C7: variants seen among roughly 807,000 people sequenced by gnomAD.
The protein encoded by C7 is complement C7.
Under a neutral mutation model 104.8 loss-of-function variants are expected in C7, and 83 were observed. The observed-to-expected ratio is 0.79, with a 90% CI of 0.66 to 0.95. The LOEUF (loss-of-function observed/expected upper bound fraction) is 0.95, where lower values mean the gene tolerates loss of function less well. C7 is among the 40% of genes least tolerant of loss of function. C7 has a pLI of 0.00. For synonymous variants in C7, 415 were observed against 360.6 expected (o/e 1.15, Z -1.71); for missense variants, 1,070 against 1,011.2 (o/e 1.06, Z -0.79).
intron 14 of C7, among the ~76,000 whole-genome samples, chr5:40,968,571 TATATATATATA>T (rs1561257280): frequency 0.069 from 4,286 of 62,466 alleles, 163 homozygotes; most frequent in Non-Finnish European, 0.093. Flanking sequence ...ATATATTTTA[TATATATATATA>T]TATATATATA....
In C7 at chr5:40,978,873, A is replaced by ATTTTTTTTTTTTTTT. The variant is rs372551834; in HGVS notation, c.2166-842_2166-828dup. Among the ~76,000 whole-genome samples the ATTTTTTTTTTTTTTT allele has an allele frequency of 1.8e-3, 144 of 80,068 alleles. 5 individuals carry two copies. Among genetic ancestry groups the ATTTTTTTTTTTTTTT allele is most frequent in the African/African-American group, 3.8e-3 (88 of 23,444 alleles). 52.5% of individuals were successfully genotyped at this position (80,068 alleles called of 152,430 possible). On this transcript the variant is annotated intron_variant, in intron 16 of 17. Coordinates refer to ENST00000313164, the MANE Select transcript of C7 (RefSeq NM_000587.4). ...GAGGAAGGTAACACATTTTATGGAA[A>ATTTTTTTTTTTTTTT]TTTTTTTTTTTTTTTTTTTTTTTTG...
chr5:40,921,681 A>T (rs1224684369), intron 1 of C7, among the ~76,000 whole-genome samples: 1 of 152,156 alleles, frequency 6.6e-6, no homozygotes, highest in African/African-American at 2.4e-5. Context: ...GCTGAACAGG[A>T]TAGAGAACCA....
At chr5:40,962,258 G>A in intron 13 of C7, 86 bp downstream of exon 13, 3 of 758,314 alleles carry the variant, frequency 4.0e-6, no homozygotes, top group Non-Finnish European at 6.1e-6. Flanking sequence ...CTTCCTCCAT[G>A]GTGAAGCCGT....
At position 40,982,689 on chromosome 5, in the gene C7, A is replaced by G. The variant is rs1414887901; in HGVS notation, c.*1116A>G. 1 of 152,358 alleles carries G rather than the reference A, an allele frequency of 6.6e-6. No homozygotes were observed. The highest frequency in any genetic ancestry group is 2.4e-5 in the African/African-American group (1 of 41,466). 9.4% of individuals were successfully genotyped at this position (152,358 alleles called of 1,614,324 possible). Reference sequence around the variant, plus strand: ...GAATAGTTTTCCCTATTCTGTGGATACAGTCCCAGAGTTTTCAGGGAGTAC... The same window carrying G: ...GAATAGTTTTCCCTATTCTGTGGATGCAGTCCCAGAGTTTTCAGGGAGTAC... On this transcript the variant is annotated 3_prime_UTR_variant, in exon 18 of 18. Transcript: ENST00000313164.
chr5:40,938,086 CA>C (rs752820442), intron 6 of C7, among the ~76,000 whole-genome samples: 44 of 152,046 alleles, frequency 2.9e-4, no homozygotes, highest in Non-Finnish European at 5.7e-4. Flanking sequence ...TTCATATATA[CA>C]AAAGGGTGTG....
intron 11 of C7, among the ~76,000 whole-genome samples, chr5:40,958,845 A>T (rs1287583472): frequency 6.6e-6 from 1 of 152,206 alleles, no homozygotes; most frequent in East Asian, 1.9e-4. Context: ...TCATTACTTA[A>T]GGTCAGGGCT....
chr5:40,963,414 T>G (rs61006480), intron 13 of C7, among the ~76,000 whole-genome samples: 12,314 of 152,140 alleles, frequency 0.081, 1,021 homozygotes, highest in African/African-American at 0.21. Context: ...TTTTGCAAGG[T>G]GGAGGAAGGA....
chr5:40,915,250 G>A (rs115617580), intron 1 of C7, among the ~76,000 whole-genome samples: 20 of 152,278 alleles, frequency 1.3e-4, no homozygotes, highest in African/African-American at 4.6e-4. Context: ...GCAAGATTCT[G>A]TTTTACTCTT....
intron 1 of C7, among the ~76,000 whole-genome samples, chr5:40,925,563 GT>G (rs1162030994): frequency 2.0e-5 from 3 of 152,098 alleles, no homozygotes; most frequent in African/African-American, 7.2e-5. Flanking sequence ...ACACTGTTAG[GT>G]ATCTTTATAG....
At chr5:40,927,214 G>A (rs371237463) in intron 1 of C7, among the ~76,000 whole-genome samples, 7 of 152,048 alleles carry the variant, frequency 4.6e-5, no homozygotes. Context: ...GAATTAAATA[G>A]GACCCTTATC....
At chr5:40,978,608 T>C (rs1740870044) in intron 16 of C7, among the ~76,000 whole-genome samples, 1 of 152,220 alleles carries the variant, frequency 6.6e-6, no homozygotes, top group African/African-American at 2.4e-5. Context: ...TTTGTTTCTG[T>C]TTTATAAATA....
chr5:40,953,144 T>A (rs1740210224), intron 9 of C7, among the ~76,000 whole-genome samples: 1 of 152,134 alleles, frequency 6.6e-6, no homozygotes, highest in South Asian at 2.1e-4. Context: ...CAGCTAACAA[T>A]GAAGACGAGG....
At chr5:40,971,045 T>C (rs928771015) in intron 14 of C7, among the ~76,000 whole-genome samples, 3 of 152,234 alleles carry the variant, frequency 2.0e-5, no homozygotes, top group Admixed American at 2.0e-4. Flanking sequence ...GCAATAAACA[T>C]ACGTGTGCAT....
chr5:40,975,013 A>C (rs951537052), intron 15 of C7, among the ~76,000 whole-genome samples: 2 of 152,148 alleles, frequency 1.3e-5, no homozygotes, highest in African/African-American at 4.8e-5. Context: ...AAAACCAAAG[A>C]TGTCCCTAGT....
At position 40,981,527 on chromosome 5, in the gene C7, G is replaced by A. The variant is rs779628333; in HGVS notation, c.2486G>A (p.Ser829Asn). 14 of 1,613,648 alleles carry A rather than the reference G, an allele frequency of 8.7e-6. No homozygotes were observed. In the East Asian group the frequency reaches 8.9e-5, roughly 10 times the overall value. Residue 829 changes from serine (S) to asparagine (N), a missense_variant, in exon 18 of 18, where the codon AGC (serine) becomes AAC (asparagine). Physicochemically the swap from Ser to Asn is conservative, Grantham distance 46 (BLOSUM62 1). Coordinates refer to ENST00000313164, the MANE Select transcript of C7 (RefSeq NM_000587.4). ...GGCGCTCTGAGATGCAGAGGGCAGA[G>A]CATCTCTGTCACCAGCATAAGGCCT... ...EAGALRCRGQSISVTSIRPCA... is the reference protein window; with the variant it reads ...EAGALRCRGQNISVTSIRPCA...
chr5:40,942,452 GAAAGA>G (rs2111614843), intron 6 of C7, among the ~76,000 whole-genome samples: 1 of 152,230 alleles, frequency 6.6e-6, no homozygotes, highest in Admixed American at 6.5e-5. Flanking sequence ...GAAAAAGAAG[GAAAGA>G]AAAGTTAATA....
intron 6 of C7, 142 bp from the exon 7 acceptor site, chr5:40,945,056 C>T (rs1740015803): frequency 1.1e-5 from 6 of 550,356 alleles, no homozygotes; most frequent in South Asian, 8.4e-5. Context: ...TATAATCATA[C>T]TGGCCTGGTC....
chr5:40,961,025 C>G (rs1200640659), intron 12 of C7, among the ~76,000 whole-genome samples: 2 of 152,170 alleles, frequency 1.3e-5, no homozygotes, highest in African/African-American at 4.8e-5. Flanking sequence ...CCAAGCCTTA[C>G]TTAAACTTGC....
chr5:40,929,419 GTATT>G (rs1355454580), intron 2 of C7, among the ~76,000 whole-genome samples: 1 of 152,140 alleles, frequency 6.6e-6, no homozygotes, highest in Non-Finnish European at 1.5e-5. Flanking sequence ...AGGGTCAAAA[GTATT>G]TAGGTATTTT....
Sources: allele counts gnomAD v4.1 joint callset (sites outside exome capture counted in the v4.1 genomes callset), GRCh38; gene constraint gnomAD v4.1.1; transcripts MANE v1.5; gene names NCBI Gene and HGNC (gene_info 2026-07-23, HGNC 2026-07-21).